Variants in ZNF892 observed in about 807,000 individuals in gnomAD.
The protein encoded by ZNF892 is zinc finger protein 892, also known as zinc finger protein 570-like.
At chr2:95,210,889 G>T in the ZNF892 span, among the ~76,000 whole-genome samples, 4 of 152,152 alleles carry the variant, frequency 2.6e-5, no homozygotes, top group Admixed American at 6.5e-5. Context: ...GAGATCTGAA[G>T]GGAGAGAAGG....
the ZNF892 span, among the ~76,000 whole-genome samples, chr2:95,247,713 A>G: frequency 6.6e-6 from 1 of 152,202 alleles, no homozygotes; most frequent in Non-Finnish European, 1.5e-5. Context: ...AAAAAGACAT[A>G]CAAGTGGCCA....
the ZNF892 span, among the ~76,000 whole-genome samples, chr2:95,210,140 T>A: frequency 3.5e-4 from 52 of 149,004 alleles, no homozygotes; most frequent in Non-Finnish European, 5.6e-4. Context: ...TGTGTATACA[T>A]GTATATATGT....
chr2:95,212,922 G>A, the ZNF892 span, among the ~76,000 whole-genome samples: 4 of 152,242 alleles, frequency 2.6e-5, no homozygotes, highest in African/African-American at 9.6e-5. Context: ...GCTAAGCAAA[G>A]ATAGCTATTA....
the ZNF892 span, among the ~76,000 whole-genome samples, chr2:95,255,204 T>C: frequency 6.6e-6 from 1 of 152,204 alleles, no homozygotes; most frequent in Non-Finnish European, 1.5e-5. Flanking sequence ...CTGCTTTCTC[T>C]TGTGGGCATT....
the ZNF892 span, among the ~76,000 whole-genome samples, chr2:95,231,039 A>G: frequency 6.6e-6 from 1 of 152,200 alleles, no homozygotes; most frequent in Non-Finnish European, 1.5e-5. Flanking sequence ...TGGTTTGATA[A>G]TTTCTTATAA....
the ZNF892 span, among the ~76,000 whole-genome samples, chr2:95,231,378 C>CA: frequency 6.6e-6 from 1 of 152,140 alleles, no homozygotes; most frequent in African/African-American, 2.4e-5. Flanking sequence ...GTAGAAGAGT[C>CA]ACTGCTACTT....
the ZNF892 span, among the ~76,000 whole-genome samples, chr2:95,243,943 G>A: frequency 3.9e-4 from 60 of 152,290 alleles, no homozygotes; most frequent in East Asian, 1.2e-3. Context: ...GATGGTTGCC[G>A]TGTCTCTGTA....
At chr2:95,259,489 A>T in the ZNF892 span, 1 of 152,454 alleles carries the variant, frequency 6.6e-6, no homozygotes, top group Non-Finnish European at 1.5e-5. Context: ...TGCTTCAGCC[A>T]AGAAGTAACC....
the ZNF892 span, among the ~76,000 whole-genome samples, chr2:95,255,154 C>G: frequency 6.6e-6 from 1 of 152,128 alleles, no homozygotes; most frequent in African/African-American, 2.4e-5. Context: ...TTCTCTAGTT[C>G]TTTTAATTAT....
the ZNF892 span, among the ~76,000 whole-genome samples, chr2:95,238,840 A>G: frequency 6.6e-6 from 1 of 152,174 alleles, no homozygotes; most frequent in African/African-American, 2.4e-5. Context: ...GAGAACTAGA[A>G]TTAGAAGTGG....
the ZNF892 span, among the ~76,000 whole-genome samples, chr2:95,230,672 G>A: frequency 4.6e-5 from 7 of 152,164 alleles, no homozygotes; most frequent in Non-Finnish European, 1.0e-4. Flanking sequence ...CCCTGCTTCC[G>A]ATGGGATGGA....
the ZNF892 span, among the ~76,000 whole-genome samples, chr2:95,247,979 A>G: frequency 6.6e-6 from 1 of 152,236 alleles, no homozygotes; most frequent in Non-Finnish European, 1.5e-5. Flanking sequence ...CAGCAATCCC[A>G]TTACTGAGTG....
At chr2:95,207,461 G>A in the ZNF892 span, 603 of 206,494 alleles carry the variant, frequency 2.9e-3, 1 homozygote, top group African/African-American at 0.013. Flanking sequence ...GGGTCCTCTG[G>A]GAAGCGGTGT....
chr2:95,210,229 GTGTATATA>G, the ZNF892 span, among the ~76,000 whole-genome samples: 1 of 147,812 alleles, frequency 6.8e-6, no homozygotes, highest in Admixed American at 6.8e-5. Context: ...GTATATATAT[GTGTATATA>G]TGTATATATA....
At chr2:95,208,767 C>T in the ZNF892 span, 7 of 398,544 alleles carry the variant, frequency 1.8e-5, no homozygotes, top group Non-Finnish European at 3.1e-5. Context: ...TCTTTTCCTT[C>T]TGTTCTCAGA....
At chr2:95,209,198 G>A in the ZNF892 span, among the ~76,000 whole-genome samples, 1 of 152,142 alleles carries the variant, frequency 6.6e-6, no homozygotes, top group Non-Finnish European at 1.5e-5. Flanking sequence ...ACAAGAGAGA[G>A]TGGGTAGTTG....
At chr2:95,228,517 G>A in the ZNF892 span, among the ~76,000 whole-genome samples, 1 of 152,016 alleles carries the variant, frequency 6.6e-6, no homozygotes, top group African/African-American at 2.4e-5. Context: ...TTGTTCACAT[G>A]TTGTCCAAAT....
chr2:95,220,348 CTT>C, the ZNF892 span, among the ~76,000 whole-genome samples: 19 of 128,408 alleles, frequency 1.5e-4, no homozygotes, highest in Non-Finnish European at 1.7e-4. Flanking sequence ...TTTCTTGGGG[CTT>C]TTTTTTTTTT....
the ZNF892 span, among the ~76,000 whole-genome samples, chr2:95,212,564 C>T: frequency 6.6e-6 from 1 of 152,216 alleles, no homozygotes; most frequent in Non-Finnish European, 1.5e-5. Context: ...GGGTTCAAGG[C>T]TCTAAAGCAG....
Sources: allele counts gnomAD v4.1 joint callset (sites outside exome capture counted in the v4.1 genomes callset), GRCh38; gene constraint gnomAD v4.1.1; transcripts MANE v1.5; gene names NCBI Gene and HGNC (gene_info 2026-07-23, HGNC 2026-07-21).